The following MLLT3 variants were observed in gnomAD, a reference collection of about 807,000 sequenced individuals.
MLLT3 encodes the protein MLLT3 super elongation complex subunit.
Under a neutral mutation model 53.2 loss-of-function variants are expected in MLLT3, and 4 were observed. The observed-to-expected ratio is 0.08, with a 90% CI of 0.04 to 0.17. The LOEUF (loss-of-function observed/expected upper bound fraction) is 0.17. Ranked by LOEUF, MLLT3 falls within the 10% of genes least tolerant of loss-of-function variation. MLLT3 has a pLI of 1.00. For synonymous variants in MLLT3, 283 were observed against 230.6 expected (o/e 1.23, Z -2.06); for missense variants, 569 against 684.0 (o/e 0.83, Z 1.87).
chr9:20,485,672 TA>T, intron 2 of MLLT3, among the ~76,000 whole-genome samples: 1 of 152,298 alleles, frequency 6.6e-6, no homozygotes, highest in Middle Eastern at 3.4e-3. Context: ...CAAGTTTTTT[TA>T]AAAAATCACT....
intron 5 of MLLT3, among the ~76,000 whole-genome samples, chr9:20,389,062 C>T (rs1368522653): frequency 6.6e-6 from 1 of 152,214 alleles, no homozygotes; most frequent in Non-Finnish European, 1.5e-5. Context: ...AACCTGTTTT[C>T]AGCCATTCAC....
intron 2 of MLLT3, among the ~76,000 whole-genome samples, chr9:20,526,610 A>G (rs1818210958): frequency 6.6e-6 from 1 of 152,202 alleles, no homozygotes; most frequent in African/African-American, 2.4e-5. Context: ...TTAAGCTATT[A>G]TAAGTAGTAC....
At chr9:20,467,526 C>T (rs773259166) in intron 2 of MLLT3, among the ~76,000 whole-genome samples, 15 of 152,148 alleles carry the variant, frequency 9.9e-5, no homozygotes, top group South Asian at 2.1e-4. Context: ...TGCTGTGAGC[C>T]GAGATCATGC....
In MLLT3 at chr9:20,341,847, A is replaced by G. The variant is rs778116387; in HGVS notation, c.*4596T>C. 11 of 205,288 alleles carry G rather than the reference A, an allele frequency of 5.4e-5. No homozygotes were observed. Among genetic ancestry groups the G allele is most frequent in the Non-Finnish European group, 1.1e-4 (11 of 100,458 alleles). 12.7% of individuals were successfully genotyped at this position (205,288 alleles called of 1,614,324 possible). On this transcript the variant is annotated 3_prime_UTR_variant, in exon 11 of 11. Coordinates refer to ENST00000380338, the MANE Select transcript of MLLT3 (RefSeq NM_004529.4). Reference sequence around the variant, plus strand: ...CCCTCCAAAGAAATAGGGGGGAAAGAAAAAATACCGGGCACACATAGCCCA... The same window carrying G: ...CCCTCCAAAGAAATAGGGGGGAAAGGAAAAATACCGGGCACACATAGCCCA...
chr9:20,440,986 G>C (rs146295215), intron 4 of MLLT3, among the ~76,000 whole-genome samples: 2 of 152,252 alleles, frequency 1.3e-5, no homozygotes, highest in African/African-American at 2.4e-5. Flanking sequence ...GGGGAGGTCT[G>C]CAGAAAGAAA....
intron 5 of MLLT3, among the ~76,000 whole-genome samples, chr9:20,410,972 T>A (rs950088655): frequency 1.3e-5 from 2 of 152,154 alleles, no homozygotes; most frequent in Non-Finnish European, 2.9e-5. Flanking sequence ...CATCACCCCA[T>A]GTCCCACAAA....
At chr9:20,427,825 T>C (rs990796298) in intron 4 of MLLT3, among the ~76,000 whole-genome samples, 7 of 152,002 alleles carry the variant, frequency 4.6e-5, no homozygotes, top group African/African-American at 1.4e-4. Context: ...AAATGCACTG[T>C]ATAAATTAAA....
intron 2 of MLLT3, among the ~76,000 whole-genome samples, chr9:20,533,543 A>T (rs1319881663): frequency 6.6e-6 from 1 of 152,166 alleles, no homozygotes. Context: ...TGATCCAGCA[A>T]TCTCACTACT....
chr9:20,481,123 C>T (rs1367222069), intron 2 of MLLT3, among the ~76,000 whole-genome samples: 2 of 152,100 alleles, frequency 1.3e-5, no homozygotes, highest in African/African-American at 2.4e-5. Flanking sequence ...AAAGAGAAAA[C>T]TAAGAATGGG....
intron 4 of MLLT3, among the ~76,000 whole-genome samples, chr9:20,443,893 A>G (rs1299055908): frequency 6.6e-6 from 1 of 152,214 alleles, no homozygotes; most frequent in Non-Finnish European, 1.5e-5. Flanking sequence ...AGGGTTACCC[A>G]GCTTGAAGAT....
At chr9:20,586,055 C>T (rs1227245172) in intron 2 of MLLT3, among the ~76,000 whole-genome samples, 1 of 152,140 alleles carries the variant, frequency 6.6e-6, no homozygotes, top group East Asian at 1.9e-4. Flanking sequence ...CAATCACTCA[C>T]ATCTGTAATC....
chr9:20,461,860 G>C (rs1824116060), intron 2 of MLLT3, among the ~76,000 whole-genome samples: 1 of 152,104 alleles, frequency 6.6e-6, no homozygotes, highest in African/African-American at 2.4e-5. Flanking sequence ...TTTATTTACT[G>C]TGCAGAGAGC....
At chr9:20,439,508 G>T (rs1321182864) in intron 4 of MLLT3, among the ~76,000 whole-genome samples, 1 of 151,072 alleles carries the variant, frequency 6.6e-6, no homozygotes, top group East Asian at 1.9e-4. Context: ...TCAAATTTGT[G>T]CAAAACAGTT....
chr9:20,511,661 A>G (rs182846194), intron 2 of MLLT3, among the ~76,000 whole-genome samples: 23 of 152,328 alleles, frequency 1.5e-4, no homozygotes, highest in Non-Finnish European at 2.6e-4. Context: ...CTCCAGCCTC[A>G]CAACATAGTC....
chr9:20,572,067 C>G (rs1819545061), intron 2 of MLLT3, among the ~76,000 whole-genome samples: 1 of 152,168 alleles, frequency 6.6e-6, no homozygotes, highest in Non-Finnish European at 1.5e-5. Context: ...CAAAGAGACA[C>G]ATGGATGAAC....
At chr9:20,399,104 T>C (rs1822392474) in intron 5 of MLLT3, among the ~76,000 whole-genome samples, 1 of 152,086 alleles carries the variant, frequency 6.6e-6, no homozygotes, top group South Asian at 2.1e-4. Context: ...TGCATAAGGG[T>C]GGCTTACACC....
intron 2 of MLLT3, among the ~76,000 whole-genome samples, chr9:20,568,021 A>G (rs767590061): frequency 2.0e-5 from 3 of 152,168 alleles, no homozygotes; most frequent in Non-Finnish European, 4.4e-5. Flanking sequence ...AATAATTCCC[A>G]ATTAATAAAC....
chr9:20,554,003 A>G (rs1279331063), intron 2 of MLLT3, among the ~76,000 whole-genome samples: 4 of 152,212 alleles, frequency 2.6e-5, no homozygotes, highest in African/African-American at 7.2e-5. Context: ...GTAATGGTCC[A>G]GCAGCTTTTC....
chr9:20,586,764 G>T (rs1819976434), intron 2 of MLLT3, among the ~76,000 whole-genome samples: 1 of 152,120 alleles, frequency 6.6e-6, no homozygotes, highest in Admixed American at 6.6e-5. Context: ...CACTGGTTAG[G>T]GAAGTGGGGA....
Sources: gnomAD v4.1 joint callset for allele counts (sites outside exome capture counted in the v4.1 genomes callset) on GRCh38, gnomAD v4.1.1 for gene constraint, MANE v1.5 for transcripts, NCBI Gene and HGNC (gene_info 2026-07-23, HGNC 2026-07-21) for gene names.